Variants in N4BP2L2 observed in about 807,000 individuals in gnomAD.
N4BP2L2 encodes the protein NEDD4 binding protein 2 like 2.
Under a neutral mutation model 56.2 loss-of-function variants are expected in N4BP2L2, and 50 were observed. That is an observed-to-expected ratio of 0.89 (90% CI 0.71 to 1.13). The LOEUF (loss-of-function observed/expected upper bound fraction) is 1.13, where lower values mean the gene tolerates loss of function less well. Ranked by LOEUF, N4BP2L2 falls within the 50% of genes most tolerant of loss-of-function variation. The probability of loss-of-function intolerance (pLI) is 0.00; values close to 1 mark genes in which losing one functional copy is unlikely to be tolerated. For missense variants in N4BP2L2, 689 were observed against 693.8 expected (o/e 0.99, Z 0.08); for synonymous variants, 203 against 223.6 (o/e 0.91, Z 0.82).
chr13:32,511,002 A>G (rs1469133346), exon 6 of N4BP2L2: 2 of 151,156 alleles, frequency 1.3e-5, no homozygotes, highest in Non-Finnish European at 3.0e-5. Flanking sequence ...CTATGTGGTT[A>G]AAAAAAAATA....
intron 3 of N4BP2L2, 119 bp downstream of exon 3, chr13:32,527,289 C>T (rs2053297932): frequency 1.9e-6 from 2 of 1,042,632 alleles, no homozygotes; most frequent in Non-Finnish European, 2.7e-6. Context: ...GGTCTCAAAG[C>T]TATTTAAACG....
At chr13:32,441,014 C>T (rs1167900713) in intron 7 of N4BP2L2, among the ~76,000 whole-genome samples, 1 of 151,762 alleles carries the variant, frequency 6.6e-6, no homozygotes, top group African/African-American at 2.4e-5. Context: ...GCCACCACGC[C>T]CGGCTAATTT....
chr13:32,443,416 T>C, exon 7 of N4BP2L2: 1 of 1,614,032 alleles, frequency 6.2e-7, no homozygotes, highest in Non-Finnish European at 8.5e-7. Flanking sequence ...CAGCTGTAAA[T>C]CTTCATCAGA....
chr13:32,461,028 GA>G (rs1566060888), intron 6 of N4BP2L2, among the ~76,000 whole-genome samples: 1 of 152,058 alleles, frequency 6.6e-6, no homozygotes, highest in Non-Finnish European at 1.5e-5. Context: ...CACCTTCTTT[GA>G]AAAATGGTGC....
exon 6 of N4BP2L2, chr13:32,517,149 G>A: frequency 1.0e-6 from 1 of 985,326 alleles, no homozygotes; most frequent in Non-Finnish European, 1.2e-6. Flanking sequence ...TGGGGTTAGG[G>A]AGATGGGTTG....
At chr13:32,482,811 C>G (rs1324406444) in intron 6 of N4BP2L2, among the ~76,000 whole-genome samples, 1 of 152,170 alleles carries the variant, frequency 6.6e-6, no homozygotes, top group Non-Finnish European at 1.5e-5. Context: ...GTTATTTCAT[C>G]TGTTAAGAAT....
chr13:32,528,668 C>T (rs998956600), intron 2 of N4BP2L2, among the ~76,000 whole-genome samples: 4 of 152,042 alleles, frequency 2.6e-5, no homozygotes, highest in Non-Finnish European at 5.9e-5. Flanking sequence ...AACCATTAGG[C>T]ATTTGGATAT....
rs187034882 is a variant in N4BP2L2, at chr13:32,445,820, C to T, written c.366-1694G>A. 3.9e-5 allele frequency among the ~76,000 whole-genome samples: 6 copies of T among 152,300 alleles called. No individual in the cohort carries two copies. The East Asian group carries it at 9.6e-4, about 24-fold the overall frequency. ...ACTGAAAGTTCATAGCTCCCTTTAA[C>T]GGAAGACAATATTTGATCCTAAGAG... On this transcript the variant is annotated intron_variant, in intron 6 of 9. Coordinates refer to the N4BP2L2 transcript ENST00000357505.
intron 6 of N4BP2L2, among the ~76,000 whole-genome samples, chr13:32,485,844 G>A (rs1265454384): frequency 1.3e-5 from 2 of 152,100 alleles, no homozygotes; most frequent in Non-Finnish European, 2.9e-5. Flanking sequence ...CAAGGTGGGA[G>A]GATCAGTTGA....
At chr13:32,500,760 A>C (rs571680872) in intron 6 of N4BP2L2, among the ~76,000 whole-genome samples, 3 of 151,664 alleles carry the variant, frequency 2.0e-5, no homozygotes, top group Non-Finnish European at 4.4e-5. Context: ...TAAAAAATGT[A>C]ACAGTATCTT....
chr13:32,488,999 G>T (rs1019135814), intron 6 of N4BP2L2, among the ~76,000 whole-genome samples: 1 of 152,152 alleles, frequency 6.6e-6, no homozygotes, highest in African/African-American at 2.4e-5. Flanking sequence ...CTTGAACCTG[G>T]GAGGTGGAGG....
chr13:32,456,615 A>C (rs1254338958), intron 6 of N4BP2L2, among the ~76,000 whole-genome samples: 1 of 152,242 alleles, frequency 6.6e-6, no homozygotes, highest in Admixed American at 6.5e-5. Context: ...GAACGCAGAT[A>C]AATAATACAA....
At chr13:32,480,593 A>C in intron 6 of N4BP2L2, 1 of 1,281,350 alleles carries the variant, frequency 7.8e-7, no homozygotes, top group Non-Finnish European at 1.0e-6. Flanking sequence ...ATCTCACCTG[A>C]GTTGCTGTCT....
chr13:32,491,925 C>T (rs935777692), intron 6 of N4BP2L2, among the ~76,000 whole-genome samples: 12 of 151,926 alleles, frequency 7.9e-5, no homozygotes, highest in Non-Finnish European at 1.2e-4. Flanking sequence ...CCACCGCACC[C>T]GGCCGAAAAA....
At chr13:32,442,263 T>C in intron 7 of N4BP2L2, 1 of 868,894 alleles carries the variant, frequency 1.2e-6, no homozygotes, top group East Asian at 2.7e-5. Context: ...CCTCACTCAC[T>C]GCTGAAAAGC....
intron 6 of N4BP2L2, among the ~76,000 whole-genome samples, chr13:32,499,374 T>C (rs1169436623): frequency 6.6e-6 from 1 of 152,214 alleles, no homozygotes; most frequent in African/African-American, 2.4e-5. Context: ...GTTACTTCCT[T>C]ACTACACTAA....
Position 32,481,118 on chromosome 13 carries a change from C to CAAAAAAAAAAAAAAAAAAAAAAAAAAA in N4BP2L2, c.365+36712_365+36738dup, listed in dbSNP as rs60854435. Among the ~76,000 whole-genome samples, 3 of 20,712 alleles carry CAAAAAAAAAAAAAAAAAAAAAAAAAAA rather than the reference C, an allele frequency of 1.4e-4. 1 individual carries two copies. The highest frequency in any genetic ancestry group is 1.9e-4 in the African/African-American group (1 of 5,400). 13.6% of individuals were successfully genotyped at this position (20,712 alleles called of 152,430 possible). On this transcript the variant is annotated intron_variant, in intron 6 of 9. Transcript: ENST00000357505. ...TCAGCAACAGAGTGAGACTCTGTCT[C>CAAAAAAAAAAAAAAAAAAAAAAAAAAA]AAAAAAAAAAAAAAAAAAAAAAAAA...
intron 6 of N4BP2L2, among the ~76,000 whole-genome samples, chr13:32,502,323 C>A (rs1458482615): frequency 6.6e-6 from 1 of 152,018 alleles, no homozygotes. Flanking sequence ...GTGATCCACC[C>A]TCCTCAACCT....
chr13:32,444,650 A>G (rs2076774471), intron 6 of N4BP2L2, among the ~76,000 whole-genome samples: 1 of 152,292 alleles, frequency 6.6e-6, no homozygotes, highest in Non-Finnish European at 1.5e-5. Flanking sequence ...TGAGAAAGTT[A>G]AAGCTAATAT....
Sources: gnomAD v4.1 joint callset for allele counts (sites outside exome capture counted in the v4.1 genomes callset) on GRCh38, gnomAD v4.1.1 for gene constraint, MANE v1.5 for transcripts, NCBI Gene and HGNC (gene_info 2026-07-23, HGNC 2026-07-21) for gene names.